TACC2: variants seen among roughly 807,000 people sequenced by gnomAD.
TACC2 encodes the protein transforming acidic coiled-coil-containing protein 2.
Under a neutral mutation model 227.3 loss-of-function variants are expected in TACC2, and 137 were observed. The observed-to-expected ratio is 0.60, with a 90% confidence interval of 0.52 to 0.69. The LOEUF (loss-of-function observed/expected upper bound fraction) is 0.69. TACC2 is among the 30% of genes least tolerant of loss of function. The pLI, the probability that TACC2 is intolerant of heterozygous loss-of-function variation, is 0.00. For synonymous variants in TACC2, 1,523 were observed against 1,487.5 expected (o/e 1.02, Z -0.55); for missense variants, 3,470 against 3,694.4 (o/e 0.94, Z 1.57).
At chr10:122,204,767 A>G (rs538329379) in intron 8 of TACC2, among the ~76,000 whole-genome samples, 82 of 152,118 alleles carry the variant, frequency 5.4e-4, no homozygotes, top group Non-Finnish European at 8.8e-4. Context: ...CAAGGTTGCA[A>G]TGAGCTATGA....
chr10:122,023,715 G>A (rs1456259358), intron 2 of TACC2: 2 of 150,956 alleles, frequency 1.3e-5, no homozygotes, highest in African/African-American at 4.9e-5. Context: ...AATGGGTGCA[G>A]CAAACCAACA....
In TACC2 at chr10:122,248,865, C is replaced by T. The variant is rs529949741; in HGVS notation, c.8553+62C>T. The T allele has an allele frequency of 4.9e-5, 78 of 1,600,350 alleles. No homozygotes were observed. In the African/African-American group the frequency reaches 8.4e-4, roughly 17 times the overall value. On this transcript the variant is annotated intron_variant, in intron 20 of 22. Transcript: ENST00000369005. ...CTGATTGGGAGAGATTGTGGGAGCA[C>T]TGGGAGGGGGTAGGATTCCAGAAGT...
intron 1 of TACC2, among the ~76,000 whole-genome samples, chr10:122,011,167 A>G (rs186216995): frequency 6.6e-6 from 1 of 152,286 alleles, no homozygotes; most frequent in Non-Finnish European, 1.5e-5. Flanking sequence ...GAGCAGACAG[A>G]GAGCTAGGTA....
chr10:122,215,972 G>A (rs1241529662), intron 10 of TACC2, among the ~76,000 whole-genome samples: 1 of 152,150 alleles, frequency 6.6e-6, no homozygotes, highest in Non-Finnish European at 1.5e-5. Flanking sequence ...ACAGACCAAG[G>A]AAAGTTATCG....
intron 7 of TACC2, among the ~76,000 whole-genome samples, chr10:122,179,435 C>T (rs1033990099): frequency 2.0e-5 from 3 of 152,324 alleles, no homozygotes; most frequent in Admixed American, 6.5e-5. Flanking sequence ...TCAATTATAG[C>T]GCAAGTAAAA....
At chr10:122,039,929 T>C (rs2074040557) in intron 2 of TACC2, among the ~76,000 whole-genome samples, 1 of 152,160 alleles carries the variant, frequency 6.6e-6, no homozygotes, top group Non-Finnish European at 1.5e-5. Context: ...AAACCTCTTC[T>C]ATCTGCTAAT....
At chr10:122,193,562 G>C (rs2094476570) in intron 7 of TACC2, among the ~76,000 whole-genome samples, 2 of 152,196 alleles carry the variant, frequency 1.3e-5, no homozygotes, top group South Asian at 4.1e-4. Flanking sequence ...GTACTCACCT[G>C]CCAGGTCACC....
At chr10:122,068,992 G>A (rs562726506) in intron 3 of TACC2, among the ~76,000 whole-genome samples, 8 of 126,934 alleles carry the variant, frequency 6.3e-5, no homozygotes, top group Non-Finnish European at 8.5e-5. Flanking sequence ...GGCACCGCGC[G>A]GGCCCAACCT....
chr10:122,087,169 G>A lies in TACC2; in HGVS notation c.4669G>A (p.Ala1557Thr), dbSNP rs1195847316. 1.9e-6 allele frequency: 3 copies of A among 1,611,446 alleles called. No homozygotes were observed. In the South Asian group the frequency reaches 3.3e-5, roughly 18 times the overall value. The change falls in exon 4 of 23, where the codon GCT (alanine) becomes ACT (threonine). Residue 1557 changes from alanine (A) to threonine (T), a missense_variant. Physicochemically the swap from Ala to Thr is moderately conservative, Grantham distance 58. Transcript: ENST00000369005. Reference sequence around the variant, plus strand: ...GCTGGAGAGGAGCAGGCAGGAATTAGCTTCAGGTCTTCCTTCACCAGCAGC... The same window carrying A: ...GCTGGAGAGGAGCAGGCAGGAATTAACTTCAGGTCTTCCTTCACCAGCAGC... ...SQLERSRQELASGLPSPAATQ... is the reference protein window; with the variant it reads ...SQLERSRQELTSGLPSPAATQ...
intron 3 of TACC2, among the ~76,000 whole-genome samples, chr10:122,063,831 TACAC>T (rs139868618): frequency 5.2e-4 from 76 of 146,432 alleles, no homozygotes; most frequent in Middle Eastern, 3.5e-3. Context: ...TATTATATAA[TACAC>T]ACACACACAC....
At chr10:122,114,365 GC>G (rs2084247137) in intron 5 of TACC2, among the ~76,000 whole-genome samples, 1 of 152,244 alleles carries the variant, frequency 6.6e-6, no homozygotes, top group Non-Finnish European at 1.5e-5. Flanking sequence ...TCTGTGAGAT[GC>G]ACGTGCAGAT....
chr10:122,208,357 G>C (rs2095195129), intron 8 of TACC2, among the ~76,000 whole-genome samples: 1 of 152,212 alleles, frequency 6.6e-6, no homozygotes, highest in Non-Finnish European at 1.5e-5. Flanking sequence ...GTTTTCTTGT[G>C]TTGTGAGCTG....
At chr10:122,183,557 T>C (rs1244445627) in intron 7 of TACC2, among the ~76,000 whole-genome samples, 3 of 152,086 alleles carry the variant, frequency 2.0e-5, no homozygotes, top group Non-Finnish European at 2.9e-5. Flanking sequence ...CCCTCCTTGT[T>C]TGTATGAGCG....
chr10:122,233,633 TAC>T (rs2141518664), intron 16 of TACC2, among the ~76,000 whole-genome samples: 1 of 152,170 alleles, frequency 6.6e-6, no homozygotes, highest in South Asian at 2.1e-4. Flanking sequence ...CCCCCACCCA[TAC>T]ACACACATTG....
At chr10:122,008,535 C>T (rs1471382710) in intron 1 of TACC2, among the ~76,000 whole-genome samples, 1 of 151,948 alleles carries the variant, frequency 6.6e-6, no homozygotes, top group African/African-American at 2.4e-5. Context: ...CCTGGGATTA[C>T]AGGCATGAGC....
chr10:121,990,196 G>A (rs999597351), intron 1 of TACC2, among the ~76,000 whole-genome samples: 5 of 151,262 alleles, frequency 3.3e-5, no homozygotes, highest in Middle Eastern at 3.4e-3. Flanking sequence ...TTGCAGCCTC[G>A]ACCTCCCGGG....
chr10:122,224,679 C>A (rs2095588643), intron 11 of TACC2, 47 bp from the exon 12 acceptor site: 2 of 1,578,840 alleles, frequency 1.3e-6, no homozygotes, highest in South Asian at 1.1e-5. Flanking sequence ...CTGGCACTAA[C>A]CTCACCTTTT....
At chr10:122,183,491 C>G (rs747666043) in intron 7 of TACC2, among the ~76,000 whole-genome samples, 1 of 152,156 alleles carries the variant, frequency 6.6e-6, no homozygotes, top group Non-Finnish European at 1.5e-5. Context: ...CCTGCGGGTT[C>G]CAAGAATCTC....
At chr10:122,248,964 T>C in intron 20 of TACC2, 86 bp from the exon 21 acceptor site, 1 of 1,493,546 alleles carries the variant, frequency 6.7e-7, no homozygotes, top group Non-Finnish European at 9.2e-7. Context: ...GGGTTACACC[T>C]GCATCCGAGA....
Sources: allele counts gnomAD v4.1 joint callset (sites outside exome capture counted in the v4.1 genomes callset), GRCh38; gene constraint gnomAD v4.1.1; transcripts MANE v1.5; gene names NCBI Gene and HGNC (gene_info 2026-07-23, HGNC 2026-07-21).